SPOP: variants seen among roughly 807,000 people sequenced by gnomAD.
SPOP encodes the protein speckle type BTB/POZ protein, also known as speckle-type POZ protein.
SPOP carries 11 observed loss-of-function variants against 45.6 expected under a neutral mutation model. The observed-to-expected ratio is 0.24, with a 90% CI of 0.15 to 0.40. The LOEUF (loss-of-function observed/expected upper bound fraction) is 0.40. SPOP is among the 10% of genes least tolerant of loss of function. The pLI, the probability that SPOP is intolerant of heterozygous loss-of-function variation, is 1.00. For missense variants in SPOP, 152 were observed against 465.6 expected, an observed-to-expected ratio of 0.33 and a Z score of 6.20; for synonymous variants, 166 against 166.3, an observed-to-expected ratio of 1.00 and a Z score of 0.01.
At chr17:49,609,207 C>A (rs1368407102) in intron 6 of SPOP, among the ~76,000 whole-genome samples, 2 of 152,032 alleles carry the variant, frequency 1.3e-5, no homozygotes, top group Non-Finnish European at 2.9e-5. Flanking sequence ...CTGCACCCGG[C>A]CTAGCTCTGC....
chr17:49,648,677 T>A (rs1183733352), intron 1 of SPOP, among the ~76,000 whole-genome samples: 1 of 152,200 alleles, frequency 6.6e-6, no homozygotes, highest in East Asian at 1.9e-4. Flanking sequence ...GAATGCCCAT[T>A]TCTACGTCAG....
rs551171370 is a variant in SPOP, at chr17:49,611,681, G to GC, written c.481-225dup. Among the ~76,000 whole-genome samples, 24 of 152,216 alleles carry GC rather than the reference G, an allele frequency of 1.6e-4. No homozygotes were observed. The East Asian group carries it at 4.2e-3, about 27-fold the overall frequency. On this transcript the variant is annotated intron_variant, in intron 5 of 9. Transcript: ENST00000504102. ...ACCATCTCAGGACAATAGGAAGAGA[G>GC]CCCCACAAATCTCTTTTTCCCCCAG...
intron 1 of SPOP, among the ~76,000 whole-genome samples, chr17:49,659,130 C>G (rs1454860169): frequency 6.6e-6 from 1 of 152,150 alleles, no homozygotes; most frequent in African/African-American, 2.4e-5. Flanking sequence ...CACAGAGATC[C>G]TAACAGGTCA....
At position 49,599,506 on chromosome 17, in the gene SPOP, G is replaced by T. The variant is rs548782643; in HGVS notation, c.*872C>A. ...CTTTTGTTCTGTTTTTGTTTTGTGT[G>T]TTTTTTTTTTTGTTTGTTTTTTAGA... On this transcript the variant is annotated 3_prime_UTR_variant, in exon 10 of 10. Transcript: ENST00000504102. 34 of 183,756 alleles carry T rather than the reference G, an allele frequency of 1.9e-4. No individual in the cohort carries two copies. In the Middle Eastern group the frequency reaches 8.4e-3, roughly 45 times the overall value. 11.4% of individuals were successfully genotyped at this position (183,756 alleles called of 1,614,324 possible).
chr17:49,641,139 T>C (rs2072639954), intron 1 of SPOP, among the ~76,000 whole-genome samples: 1 of 151,866 alleles, frequency 6.6e-6, no homozygotes, highest in Admixed American at 6.6e-5. Context: ...GGCACACACC[T>C]GTAGTCCCAG....
chr17:49,610,562 C>T (rs1379448579), intron 6 of SPOP, among the ~76,000 whole-genome samples: 4 of 152,190 alleles, frequency 2.6e-5, no homozygotes, highest in African/African-American at 9.6e-5. Context: ...TGAGAGGGAA[C>T]AGGAAAATGT....
intron 1 of SPOP, among the ~76,000 whole-genome samples, chr17:49,626,094 A>G (rs1216060080): frequency 6.6e-6 from 1 of 152,126 alleles, no homozygotes; most frequent in Non-Finnish European, 1.5e-5. Flanking sequence ...AATTTCCTGA[A>G]CACCTAGTTT....
Position 49,678,048 on chromosome 17 carries a change from C to G in SPOP, c.-182G>C, listed in dbSNP as rs1490308364. The G allele has an allele frequency of 7.5e-6, 3 of 399,340 alleles. No homozygotes were observed. The highest frequency in any genetic ancestry group is 2.1e-5 in the African/African-American group (1 of 48,570). 24.7% of individuals were successfully genotyped at this position (399,340 alleles called of 1,614,324 possible). On this transcript the variant is annotated 5_prime_UTR_variant, in exon 1 of 10. Coordinates refer to ENST00000504102, the MANE Select transcript of SPOP (RefSeq NM_001007228.2). Reference sequence around the variant, plus strand: ...CACAAATACACACACACTCGGAGCGCGCACACTCACACACACACATACACA... The same window carrying G: ...CACAAATACACACACACTCGGAGCGGGCACACTCACACACACACATACACA...
chr17:49,669,469 A>G (rs1213464175), intron 1 of SPOP, among the ~76,000 whole-genome samples: 1 of 150,384 alleles, frequency 6.6e-6, no homozygotes, highest in Non-Finnish European at 1.5e-5. Flanking sequence ...GAATATTAAA[A>G]AAAAAAAAAA....
chr17:49,629,129 C>A (rs867573673), intron 1 of SPOP, among the ~76,000 whole-genome samples: 2 of 152,110 alleles, frequency 1.3e-5, no homozygotes, highest in Non-Finnish European at 2.9e-5. Context: ...ATAATCCCAG[C>A]TACTCAAGAG....
At chr17:49,607,223 C>T (rs1287896426) in intron 8 of SPOP, 27 bp downstream of exon 8, 3 of 1,613,728 alleles carry the variant, frequency 1.9e-6, no homozygotes, top group African/African-American at 2.7e-5. Flanking sequence ...ACTCCTAGTC[C>T]TGATTATTTT....
chr17:49,646,409 C>T (rs2072759007), intron 1 of SPOP: 1 of 151,680 alleles, frequency 6.6e-6, no homozygotes, highest in African/African-American at 2.4e-5. Flanking sequence ...ACTAAAAATA[C>T]AAAAATTAGC....
intron 1 of SPOP, among the ~76,000 whole-genome samples, chr17:49,639,344 T>G (rs1447063841): frequency 6.6e-6 from 1 of 151,984 alleles, no homozygotes; most frequent in Non-Finnish European, 1.5e-5. Flanking sequence ...GTACCACCAG[T>G]TTGGAAAATA....
intron 1 of SPOP, among the ~76,000 whole-genome samples, chr17:49,676,255 T>C (rs2073197519): frequency 6.6e-6 from 1 of 151,854 alleles, no homozygotes; most frequent in Non-Finnish European, 1.5e-5. Flanking sequence ...AAGGGTGGGG[T>C]AGTCTTACAA....
intron 1 of SPOP, among the ~76,000 whole-genome samples, 167 bp downstream of exon 1, chr17:49,677,766 G>A (rs1475709751): frequency 1.3e-5 from 2 of 151,570 alleles, no homozygotes; most frequent in African/African-American, 4.9e-5. Flanking sequence ...ATTCGGCTCT[G>A]GCATTCGCAG....
At chr17:49,622,563 C>G (rs2072241368) in intron 2 of SPOP, 170 bp downstream of exon 2, 1 of 619,572 alleles carries the variant, frequency 1.6e-6, no homozygotes, top group Non-Finnish European at 2.8e-6. Flanking sequence ...AATTTAGATT[C>G]CACATGGAAA....
rs550185965 is a variant in SPOP, at chr17:49,628,006, C to CA, written c.-66-5131dup. On this transcript the variant is annotated intron_variant, in intron 1 of 9. Transcript: ENST00000504102. ...TCATCAGCAAAGTAGCCTAGTGCTA[C>CA]ATGAACTCTCTAGCACTTCATGCCA... Among the ~76,000 whole-genome samples, 478 of 152,318 alleles carry CA rather than the reference C, an allele frequency of 3.1e-3. 2 individuals are homozygous for CA. The highest frequency in any genetic ancestry group is 0.011 in the African/African-American group (448 of 41,572).
chr17:49,621,241 A>C lies in SPOP; in HGVS notation c.200+705T>G, dbSNP rs149316830. 2.3e-3 allele frequency among the ~76,000 whole-genome samples: 348 copies of C among 152,352 alleles called. 1 individual carries two copies. The highest frequency in any genetic ancestry group is 8.1e-3 in the African/African-American group (338 of 41,582). The stretch of plus-strand genomic sequence containing the variant: ...CGACATATTCCTGGCCACACAGTTC[A>C]GAGAAAGCTCAAAGACTTTTGCTAG... On this transcript the variant is annotated intron_variant, in intron 3 of 9. Coordinates refer to ENST00000504102, the MANE Select transcript of SPOP (RefSeq NM_001007228.2).
chr17:49,602,192 G>A (rs1339800923), intron 8 of SPOP, 185 bp from the exon 9 acceptor site: 1 of 625,862 alleles, frequency 1.6e-6, no homozygotes, highest in Non-Finnish European at 2.5e-6. Flanking sequence ...GTTTAAGCTT[G>A]AAATGTAAAC....
Sources: gnomAD v4.1 joint callset for allele counts (sites outside exome capture counted in the v4.1 genomes callset) on GRCh38, gnomAD v4.1.1 for gene constraint, MANE v1.5 for transcripts, NCBI Gene and HGNC (gene_info 2026-07-23, HGNC 2026-07-21) for gene names.